AGO3: variants seen among roughly 807,000 people sequenced by gnomAD.
AGO3 encodes argonaute RISC catalytic component 3, also known as protein argonaute-3.
A neutral mutation model predicts 105.5 loss-of-function variants in AGO3; 16 were observed. The observed-to-expected ratio is 0.15, with a 90% CI of 0.10 to 0.23. AGO3 has a LOEUF of 0.23. Among genes scored for constraint, AGO3 ranks in the 10% least tolerant of loss-of-function variants. The probability of loss-of-function intolerance (pLI) is 1.00; values close to 1 mark genes in which losing one functional copy is unlikely to be tolerated. For missense variants in AGO3, 534 were observed against 1,088.0 expected, an observed-to-expected ratio of 0.49 and a Z score of 7.16; for synonymous variants, 340 against 367.3, an observed-to-expected ratio of 0.93 and a Z score of 0.85.
Position 35,931,361 on chromosome 1 carries a change from G to A in AGO3, c.-66G>A. ...GTCGCGTCGCGCCGCGTCGCCCCCC[G>A]GGCCGCCTCCTTGCCGCCAGTGGCG... On this transcript the variant is annotated 5_prime_UTR_variant, in exon 1 of 19. Coordinates refer to ENST00000373191, the MANE Select transcript of AGO3 (RefSeq NM_024852.4). 1 of 1,381,576 alleles carries A rather than the reference G, an allele frequency of 7.2e-7. No individual in the cohort carries two copies. The highest frequency in any genetic ancestry group is 9.4e-7 in the Non-Finnish European group (1 of 1,059,460). The allele number at this position is 1,381,576 out of a possible 1,614,324, so 85.6% of individuals were successfully genotyped here. A position where few individuals can be genotyped will look rare whatever the true frequency, so the allele number is the denominator to read the frequency against.
Position 36,071,600 on chromosome 1 carries a change from C to G in AGO3, c.*15855C>G, listed in dbSNP as rs1643167712. The stretch of plus-strand genomic sequence containing the variant: ...CTCCCTCCTCATCTTCCCTTCCCCT[C>G]TGTCTTATGCCTGGCCTGGCCTTTT... On this transcript the variant is annotated 3_prime_UTR_variant, in exon 19 of 19. Transcript: ENST00000373191. 1 of 152,202 alleles carries G rather than the reference C, an allele frequency of 6.6e-6. No individual in the cohort carries two copies. The highest frequency in any genetic ancestry group is 6.5e-5 in the Admixed American group (1 of 15,282). The allele number at this position is 152,202 out of a possible 1,614,324, so 9.4% of individuals were successfully genotyped here. A position where few individuals can be genotyped will look rare whatever the true frequency, so the allele number is the denominator to read the frequency against.
rs569495261 is a variant in AGO3, at chr1:35,957,505, C to G, written c.192-9450C>G. Among the ~76,000 whole-genome samples, 6 of 152,066 alleles carry G rather than the reference C, an allele frequency of 3.9e-5. No individual in the cohort carries two copies. In the East Asian group the frequency reaches 1.2e-3, roughly 30 times the overall value. On this transcript the variant is annotated intron_variant, in intron 2 of 18. Transcript: ENST00000373191. Reference sequence around the variant, plus strand: ...CTTTGCGAGGCTGACGCAGGCAGATCACTTGAGGTCAGGAGTTTGAGACCA... The same window carrying G: ...CTTTGCGAGGCTGACGCAGGCAGATGACTTGAGGTCAGGAGTTTGAGACCA...
chr1:35,984,271 G>C (rs2148786769), intron 5 of AGO3, among the ~76,000 whole-genome samples: 1 of 152,254 alleles, frequency 6.6e-6, no homozygotes, highest in South Asian at 2.1e-4. Context: ...GGAGTTGCAG[G>C]CTGCAGTGAG....
intron 2 of AGO3, among the ~76,000 whole-genome samples, chr1:35,961,850 C>T (rs763695559): frequency 6.6e-6 from 1 of 152,112 alleles, no homozygotes; most frequent in African/African-American, 2.4e-5. Flanking sequence ...ACTGTTAGCT[C>T]ATTTGGGGCT....
In AGO3 at chr1:35,931,465, C is replaced by T; in HGVS notation, c.19+20C>T. The T allele has an allele frequency of 6.7e-7, 1 of 1,499,300 alleles. No homozygotes were observed. Among genetic ancestry groups the T allele is most frequent in the Non-Finnish European group, 8.9e-7 (1 of 1,122,340 alleles). The allele number at this position is 1,499,300 out of a possible 1,614,324, so 92.9% of individuals were successfully genotyped here. On this transcript the variant is annotated intron_variant, in intron 1 of 18. Coordinates refer to ENST00000373191, the MANE Select transcript of AGO3 (RefSeq NM_024852.4). Reference sequence around the variant, plus strand: ...CCGCAGGTGAGTCAGAGTAGCTGGGCCAGGTAGGGGATGTCACCCAGCTAC... The same window carrying T: ...CCGCAGGTGAGTCAGAGTAGCTGGGTCAGGTAGGGGATGTCACCCAGCTAC...
chr1:35,958,121 GCCTGTAAT>G (rs1646605458), intron 2 of AGO3, among the ~76,000 whole-genome samples: 1 of 152,002 alleles, frequency 6.6e-6, no homozygotes, highest in African/African-American at 2.4e-5. Flanking sequence ...GGTGGCTCAC[GCCTGTAAT>G]CCCAGCACTT....
rs780165230 is a variant in AGO3 at position 36,013,592 on chromosome 1, G to A, written c.1150-38G>A. 3.7e-6 allele frequency: 6 copies of A among 1,609,930 alleles called. No homozygotes were observed. In the South Asian group the frequency reaches 4.4e-5, roughly 12 times the overall value. ...ATGCATTAAAGTAGGGGATTTGGGG[G>A]AATTTTGAGAGTAACTACAAACTTT... On this transcript the variant is annotated intron_variant, in intron 9 of 18. Transcript: ENST00000373191.
chr1:35,943,545 C>T (rs1646297020), intron 1 of AGO3, among the ~76,000 whole-genome samples: 1 of 151,624 alleles, frequency 6.6e-6, no homozygotes, highest in African/African-American at 2.4e-5. Flanking sequence ...AGGTGATCCA[C>T]CTGCCTTGGC....
rs571072273 is a variant in AGO3 at position 36,056,072 on chromosome 1, C to CA, written c.*335dup. ...TTGCTTGGCAGCACAACTATCTTTG[C>CA]AAAAAAAAGTAAAGAAAAAGTAAAT... On this transcript the variant is annotated 3_prime_UTR_variant, in exon 19 of 19. Transcript: ENST00000373191. The CA allele has an allele frequency of 9.3e-3, 1,682 of 181,080 alleles. 9 individuals carry two copies. Among genetic ancestry groups the CA allele is most frequent in the Middle Eastern group, 0.02 (9 of 454 alleles). 11.2% of individuals were successfully genotyped at this position (181,080 alleles called of 1,614,324 possible). A position where few individuals can be genotyped will look rare whatever the true frequency, so the allele number is the denominator to read the frequency against.
At chr1:35,995,350 A>G (rs1256009413) in intron 5 of AGO3, among the ~76,000 whole-genome samples, 1 of 151,876 alleles carries the variant, frequency 6.6e-6, no homozygotes, top group African/African-American at 2.4e-5. Context: ...TGGTGGATTT[A>G]TACTACCTGT....
chr1:35,999,457 A>T (rs1026656217), intron 5 of AGO3, among the ~76,000 whole-genome samples: 4 of 152,146 alleles, frequency 2.6e-5, no homozygotes, highest in African/African-American at 9.7e-5. Flanking sequence ...TTTTGACTGA[A>T]ATTGCGATTG....
At chr1:35,966,865 G>A in intron 2 of AGO3, 90 bp from the exon 3 acceptor site, 1 of 1,424,938 alleles carries the variant, frequency 7.0e-7, no homozygotes, top group Non-Finnish European at 9.4e-7. Context: ...AATTTTGACA[G>A]CTTTATACAG....
At position 35,985,594 on chromosome 1, in the gene AGO3, GTTTAAC is replaced by G. The variant is rs1394288299; in HGVS notation, c.658+12089_658+12094del. 2.6e-5 allele frequency among the ~76,000 whole-genome samples: 4 copies of G among 152,168 alleles called. No homozygotes were observed. In the East Asian group the frequency reaches 5.8e-4, roughly 22 times the overall value. On this transcript the variant is annotated intron_variant, in intron 5 of 18. Coordinates refer to ENST00000373191, the MANE Select transcript of AGO3 (RefSeq NM_024852.4). ...ATATTTAATAAATTGTGTTTACACA[GTTTAAC>G]TTTAAAAAAATTAGATCCATCTTAC...
At chr1:35,939,233 T>C (rs1437488053) in intron 1 of AGO3, among the ~76,000 whole-genome samples, 1 of 152,170 alleles carries the variant, frequency 6.6e-6, no homozygotes, top group Non-Finnish European at 1.5e-5. Context: ...TTCTGGATAT[T>C]ATGAAAATAT....
At chr1:35,976,234 C>G (rs2148778776) in intron 5 of AGO3, among the ~76,000 whole-genome samples, 1 of 152,248 alleles carries the variant, frequency 6.6e-6, no homozygotes, top group Non-Finnish European at 1.5e-5. Flanking sequence ...TGCACCCAGG[C>G]CATTTCTTGT....
intron 5 of AGO3, among the ~76,000 whole-genome samples, chr1:35,975,917 ATT>A (rs1261701088): frequency 1.3e-5 from 2 of 148,186 alleles, no homozygotes; most frequent in Non-Finnish European, 3.0e-5. Flanking sequence ...AATTTTGCAC[ATT>A]TCTTTTTTTT....
At chr1:35,955,945 G>A (rs1646557422) in intron 2 of AGO3, among the ~76,000 whole-genome samples, 1 of 152,102 alleles carries the variant, frequency 6.6e-6, no homozygotes, top group African/African-American at 2.4e-5. Context: ...GATTCCTGGT[G>A]TACCGTGTGT....
intron 17 of AGO3, among the ~76,000 whole-genome samples, chr1:36,045,994 A>T (rs1269599531): frequency 6.6e-6 from 1 of 152,206 alleles, no homozygotes. Context: ...CCAAATCAGG[A>T]TCAGCTGGGA....
chr1:35,936,572 T>G (rs896374568), intron 1 of AGO3, among the ~76,000 whole-genome samples: 9 of 152,188 alleles, frequency 5.9e-5, no homozygotes, highest in African/African-American at 2.2e-4. Flanking sequence ...TCCACTCACC[T>G]CGGCCTCCCA....
Sources: gnomAD v4.1 joint callset for allele counts (sites outside exome capture counted in the v4.1 genomes callset) on GRCh38, gnomAD v4.1.1 for gene constraint, MANE v1.5 for transcripts, NCBI Gene and HGNC (gene_info 2026-07-23, HGNC 2026-07-21) for gene names.